The following METTL15 variants were observed in gnomAD, a reference collection of about 807,000 sequenced individuals.
METTL15 encodes the protein 12S rRNA N(4)-cytidine methyltransferase METTL15.
A neutral mutation model predicts 38.3 loss-of-function variants in METTL15; 34 were observed. The observed-to-expected ratio is 0.89, with a 90% CI of 0.68 to 1.18. The LOEUF is 1.18. Ranked by LOEUF, METTL15 falls within the 50% of genes most tolerant of loss-of-function variation. The pLI is 0.00. For missense variants in METTL15, 438 were observed against 498.4 expected (o/e 0.88, Z 1.15); for synonymous variants, 162 against 170.9 (o/e 0.95, Z 0.41).
chr11:28,481,904 A>G (rs1851398409), intron 6 of METTL15, among the ~76,000 whole-genome samples: 1 of 152,104 alleles, frequency 6.6e-6, no homozygotes. Flanking sequence ...TCCACAGCCC[A>G]TTGCTGTTAC....
intron 5 of METTL15, among the ~76,000 whole-genome samples, chr11:28,295,978 C>T (rs7358408): frequency 0.1 from 15,558 of 151,990 alleles, 1,444 homozygotes; most frequent in East Asian, 0.36. Context: ...ATTCTTTGGC[C>T]CATTTCCCTA....
At chr11:28,222,719 C>T in intron 4 of METTL15, among the ~76,000 whole-genome samples, 1 of 152,032 alleles carries the variant, frequency 6.6e-6, no homozygotes, top group East Asian at 1.9e-4. Flanking sequence ...CTTCTTTAGA[C>T]TAGAAATCAT....
At chr11:28,272,496 C>T (rs917663363) in intron 4 of METTL15, among the ~76,000 whole-genome samples, 1 of 152,126 alleles carries the variant, frequency 6.6e-6, no homozygotes, top group African/African-American at 2.4e-5. Context: ...CATGCTCTCA[C>T]TCATAAGTGG....
At chr11:28,499,610 T>C (rs569383168) in intron 6 of METTL15, among the ~76,000 whole-genome samples, 1 of 152,280 alleles carries the variant, frequency 6.6e-6, no homozygotes, top group South Asian at 2.1e-4. Flanking sequence ...CTTCCCAACT[T>C]ATTGGTACTT....
intron 3 of METTL15, among the ~76,000 whole-genome samples, chr11:28,161,010 T>C (rs906074448): frequency 1.3e-5 from 2 of 151,616 alleles, no homozygotes; most frequent in African/African-American, 4.8e-5. Flanking sequence ...CTAGCTGTAA[T>C]TGAAAGAAAT....
At chr11:28,417,812 T>C (rs904213856) in intron 5 of METTL15, among the ~76,000 whole-genome samples, 3 of 152,010 alleles carry the variant, frequency 2.0e-5, no homozygotes, top group Admixed American at 2.0e-4. Flanking sequence ...ATGTCAACTA[T>C]CTATCTGGAA....
At chr11:28,288,315 A>G (rs541276762) in intron 4 of METTL15, among the ~76,000 whole-genome samples, 1 of 152,202 alleles carries the variant, frequency 6.6e-6, no homozygotes, top group East Asian at 1.9e-4. Context: ...ACCACTGGGT[A>G]TATACCCAAA....
At chr11:28,134,501 T>C in intron 3 of METTL15, 2 of 398,358 alleles carry the variant, frequency 5.0e-6, no homozygotes, top group Non-Finnish European at 8.9e-6. Context: ...TCTGGTACTG[T>C]CTGTCAAAAG....
intron 5 of METTL15, among the ~76,000 whole-genome samples, chr11:28,407,905 C>A: frequency 6.6e-6 from 1 of 152,096 alleles, no homozygotes; most frequent in East Asian, 1.9e-4. Context: ...TGAAATCACA[C>A]AAATGCCCAT....
intron 6 of METTL15, among the ~76,000 whole-genome samples, chr11:28,455,331 ATGTTTT>A (rs1212460423): frequency 6.7e-6 from 1 of 149,498 alleles, no homozygotes; most frequent in Non-Finnish European, 1.5e-5. Flanking sequence ...ACAATATTAA[ATGTTTT>A]ATGCCCTTCA....
chr11:28,120,021 G>T (rs1042139544), intron 3 of METTL15, among the ~76,000 whole-genome samples: 2 of 152,068 alleles, frequency 1.3e-5, no homozygotes, highest in African/African-American at 4.8e-5. Context: ...GGGCGATCTT[G>T]GCTCACTGCA....
intron 5 of METTL15, among the ~76,000 whole-genome samples, chr11:28,393,222 A>T (rs901927994): frequency 6.6e-6 from 1 of 152,034 alleles, no homozygotes; most frequent in African/African-American, 2.4e-5. Flanking sequence ...GTATTTACAC[A>T]CTCTTGCTCA....
downstream of METTL15, among the ~76,000 whole-genome samples, chr11:28,336,855 T>TA (rs944733489): frequency 4.2e-4 from 64 of 152,304 alleles, no homozygotes; most frequent in African/African-American, 1.5e-3. Context: ...CTTATTTTTT[T>TA]AAAAACATTA....
chr11:28,437,134 T>G (rs1850990090), intron 6 of METTL15, among the ~76,000 whole-genome samples: 1 of 152,202 alleles, frequency 6.6e-6, no homozygotes, highest in Non-Finnish European at 1.5e-5. Flanking sequence ...AGCCACAGAC[T>G]GAGGGCTGCA....
chr11:28,427,748 G>T (rs1030680470), intron 6 of METTL15, among the ~76,000 whole-genome samples: 2 of 152,176 alleles, frequency 1.3e-5, no homozygotes, highest in Non-Finnish European at 2.9e-5. Flanking sequence ...TGTTGTTGGT[G>T]TATAGGAATG....
chr11:28,181,929 G>A (rs925259148), intron 3 of METTL15, among the ~76,000 whole-genome samples: 2 of 152,014 alleles, frequency 1.3e-5, no homozygotes, highest in African/African-American at 4.8e-5. Flanking sequence ...GTTGTTTCCT[G>A]ACTTTTTACT....
downstream of METTL15, among the ~76,000 whole-genome samples, chr11:28,336,904 A>G (rs895690265): frequency 4.6e-5 from 7 of 152,134 alleles, no homozygotes; most frequent in African/African-American, 1.7e-4. Context: ...GGTATTCCAG[A>G]AGAAGGCATT....
intron 3 of METTL15, among the ~76,000 whole-genome samples, chr11:28,139,181 A>G (rs1051544612): frequency 1.3e-5 from 2 of 152,118 alleles, no homozygotes; most frequent in African/African-American, 2.4e-5. Flanking sequence ...TTTGGGGGAT[A>G]TATCTGAGGG....
At chr11:28,241,841 A>G (rs1213967408) in intron 4 of METTL15, among the ~76,000 whole-genome samples, 1 of 152,222 alleles carries the variant, frequency 6.6e-6, no homozygotes, top group Non-Finnish European at 1.5e-5. Flanking sequence ...AGTAAGAAAA[A>G]GAGATGATGT....
Sources: gnomAD v4.1 joint callset for allele counts (sites outside exome capture counted in the v4.1 genomes callset) on GRCh38, gnomAD v4.1.1 for gene constraint, MANE v1.5 for transcripts, NCBI Gene and HGNC (gene_info 2026-07-23, HGNC 2026-07-21) for gene names.